Variants in CNTN4 observed in about 807,000 individuals in gnomAD.
The protein encoded by CNTN4 is contactin 4.
In CNTN4, 77 loss-of-function variants were observed where a neutral mutation model predicts 122.5. That is an observed-to-expected ratio of 0.63 (90% CI 0.52 to 0.76). The LOEUF is 0.76. Ranked by LOEUF, CNTN4 falls within the 30% of genes least tolerant of loss-of-function variation. The pLI, the probability that CNTN4 is intolerant of heterozygous loss-of-function variation, is 0.00. For missense variants in CNTN4, 1,256 were observed against 1,259.1 expected (o/e 1.00, Z 0.04); for synonymous variants, 512 against 447.0 (o/e 1.15, Z -1.83).
chr3:2,340,705 A>AGAGAGAGAGAGAGAGAGAGAGAGGGG (rs1210986669), intron 3 of CNTN4, among the ~76,000 whole-genome samples: 8 of 63,748 alleles, frequency 1.3e-4, no homozygotes, highest in South Asian at 7.7e-4. Context: ...ATATATATAT[A>AGAGAGAGAGAGAGAGAGAGAGAGGGG]TATATAGAGA....
intron 13 of CNTN4, among the ~76,000 whole-genome samples, chr3:2,979,078 G>C (rs12053998): frequency 0.54 from 81,386 of 152,040 alleles, 23,804 homozygotes; most frequent in African/African-American, 0.8. Context: ...AGCTCTGGTG[G>C]CTTATCTACG....
At chr3:2,503,641 A>G (rs1297437535) in intron 3 of CNTN4, among the ~76,000 whole-genome samples, 1 of 152,160 alleles carries the variant, frequency 6.6e-6, no homozygotes, top group African/African-American at 2.4e-5. Context: ...GTCTGACTCT[A>G]GAATTTTCAC....
At chr3:2,712,566 G>T (rs2087215625) in intron 4 of CNTN4, among the ~76,000 whole-genome samples, 1 of 152,076 alleles carries the variant, frequency 6.6e-6, no homozygotes, top group Non-Finnish European at 1.5e-5. Context: ...AAATAAACAG[G>T]GTGTAATGTT....
intron 6 of CNTN4, among the ~76,000 whole-genome samples, chr3:2,763,722 C>T (rs368150254): frequency 3.3e-5 from 5 of 152,294 alleles, no homozygotes; most frequent in South Asian, 2.1e-4. Flanking sequence ...ATCCCGGCAC[C>T]ATTTATTGAA....
rs550713545 is a variant in CNTN4 at position 2,458,469 on chromosome 3, T to C, written c.-88-112947T>C. 7.2e-5 allele frequency among the ~76,000 whole-genome samples: 11 copies of C among 152,274 alleles called. No homozygotes were observed. In the East Asian group the frequency reaches 7.7e-4, roughly 11 times the overall value. ...ATCTCTAATGATCAGATATGTATAA[T>C]TGAGTTTTCATATCTTCATTAAGTT... On this transcript the variant is annotated intron_variant, in intron 3 of 24. Transcript: ENST00000418658.
chr3:2,786,614 C>T (rs2091842984), intron 6 of CNTN4, among the ~76,000 whole-genome samples: 1 of 152,184 alleles, frequency 6.6e-6, no homozygotes, highest in Non-Finnish European at 1.5e-5. Context: ...CTCCTGATTA[C>T]CTGAAATAAT....
intron 2 of CNTN4, among the ~76,000 whole-genome samples, chr3:2,200,594 A>G (rs988531134): frequency 6.6e-6 from 1 of 152,210 alleles, no homozygotes; most frequent in Non-Finnish European, 1.5e-5. Context: ...GCCAAGGTTG[A>G]GAAACCCTGA....
intron 2 of CNTN4, among the ~76,000 whole-genome samples, chr3:2,232,721 C>G (rs1285801065): frequency 1.3e-5 from 2 of 152,148 alleles, no homozygotes; most frequent in African/African-American, 4.8e-5. Context: ...TTTGCCAACT[C>G]AATAGACGAA....
At chr3:2,659,964 C>T (rs1384738315) in intron 4 of CNTN4, among the ~76,000 whole-genome samples, 1 of 152,180 alleles carries the variant, frequency 6.6e-6, no homozygotes, top group South Asian at 2.1e-4. Context: ...ATACCTTGTA[C>T]ATGAAATCCT....
intron 4 of CNTN4, among the ~76,000 whole-genome samples, chr3:2,641,263 T>TA (rs1048024763): frequency 2.0e-5 from 3 of 152,064 alleles, no homozygotes; most frequent in Admixed American, 1.3e-4. Flanking sequence ...ATGTGAGTAT[T>TA]AAAAAAAACT....
chr3:2,673,182 A>T (rs2084637079), intron 4 of CNTN4, among the ~76,000 whole-genome samples: 1 of 152,186 alleles, frequency 6.6e-6, no homozygotes, highest in South Asian at 2.1e-4. Flanking sequence ...GGCCTTAATA[A>T]CTGGAAAACA....
chr3:2,733,290 A>G (rs1027858598), intron 4 of CNTN4, among the ~76,000 whole-genome samples: 1 of 152,222 alleles, frequency 6.6e-6, no homozygotes, highest in African/African-American at 2.4e-5. Context: ...TCTCTCTTAG[A>G]GAAAATCCAC....
chr3:3,034,121 A>T (rs1259242628), intron 16 of CNTN4, among the ~76,000 whole-genome samples: 3 of 152,220 alleles, frequency 2.0e-5, no homozygotes, highest in Non-Finnish European at 2.9e-5. Flanking sequence ...CAGAATGTGC[A>T]GAGCAACACT....
intron 6 of CNTN4, among the ~76,000 whole-genome samples, chr3:2,751,949 C>T (rs1193889919): frequency 6.6e-6 from 1 of 151,970 alleles, no homozygotes; most frequent in Non-Finnish European, 1.5e-5. Context: ...TCTATGTGTC[C>T]TGTGTCTCTA....
At chr3:2,112,860 A>G (rs2033069940) in intron 2 of CNTN4, among the ~76,000 whole-genome samples, 1 of 152,086 alleles carries the variant, frequency 6.6e-6, no homozygotes, top group African/African-American at 2.4e-5. Flanking sequence ...TATCCTATAG[A>G]TCTGATTATG....
chr3:2,272,313 A>G (rs1346838419), intron 2 of CNTN4, among the ~76,000 whole-genome samples: 1 of 152,120 alleles, frequency 6.6e-6, no homozygotes, highest in African/African-American at 2.4e-5. Flanking sequence ...AATTTACTCC[A>G]CATATTTATT....
intron 6 of CNTN4, among the ~76,000 whole-genome samples, chr3:2,799,920 T>G (rs2150049142): frequency 6.6e-6 from 1 of 152,236 alleles, no homozygotes; most frequent in South Asian, 2.1e-4. Context: ...TTTTGTCAAT[T>G]TTGTCAAACC....
intron 2 of CNTN4, among the ~76,000 whole-genome samples, chr3:2,223,029 AT>A (rs1380911780): frequency 6.6e-6 from 1 of 152,098 alleles, no homozygotes; most frequent in Non-Finnish European, 1.5e-5. Context: ...TTTATGCCCC[AT>A]TTTGCATTCT....
At chr3:2,403,082 G>T (rs987488451) in intron 3 of CNTN4, among the ~76,000 whole-genome samples, 1 of 152,062 alleles carries the variant, frequency 6.6e-6, no homozygotes, top group East Asian at 1.9e-4. Flanking sequence ...AGCTTTGGGT[G>T]GTTTGATAGC....
Sources: gnomAD v4.1 joint callset for allele counts (sites outside exome capture counted in the v4.1 genomes callset) on GRCh38, gnomAD v4.1.1 for gene constraint, MANE v1.5 for transcripts, NCBI Gene and HGNC (gene_info 2026-07-23, HGNC 2026-07-21) for gene names.